HTR2A: variants seen among roughly 807,000 people sequenced by gnomAD.
HTR2A encodes the protein 5-HT2 receptor.
In HTR2A, 14 loss-of-function variants were observed where a neutral mutation model predicts 31.0. That is an observed-to-expected ratio of 0.45 (90% CI 0.30 to 0.71). The LOEUF is 0.71. Among genes scored for constraint, HTR2A ranks in the 30% least tolerant of loss-of-function variants. HTR2A has a pLI of 0.09. For synonymous variants in HTR2A, 209 were observed against 225.2 expected, an observed-to-expected ratio of 0.93 and a Z score of 0.64; for missense variants, 442 against 573.3, an observed-to-expected ratio of 0.77 and a Z score of 2.34.
intron 3 of HTR2A, among the ~76,000 whole-genome samples, chr13:46,875,405 A>G (rs1341183679): frequency 2.0e-5 from 3 of 152,346 alleles, no homozygotes; most frequent in South Asian, 4.1e-4. Context: ...GACACAGGCT[A>G]ATATAAATTG....
At chr13:46,856,852 T>C (rs1950742005) in intron 3 of HTR2A, among the ~76,000 whole-genome samples, 1 of 152,198 alleles carries the variant, frequency 6.6e-6, no homozygotes, top group Admixed American at 6.5e-5. Context: ...AGGGGCACGA[T>C]AACAGTCCCT....
chr13:46,872,583 ACT>A (rs1321571829), intron 3 of HTR2A, among the ~76,000 whole-genome samples: 2 of 152,148 alleles, frequency 1.3e-5, no homozygotes, highest in South Asian at 2.1e-4. Flanking sequence ...TTATTTGACC[ACT>A]CTGTATACTA....
chr13:46,884,714 T>C (rs888268668), intron 3 of HTR2A, among the ~76,000 whole-genome samples: 8 of 152,102 alleles, frequency 5.3e-5, no homozygotes, highest in African/African-American at 1.9e-4. Context: ...ACAGAAATGC[T>C]TAAGGAAAAA....
intron 3 of HTR2A, among the ~76,000 whole-genome samples, chr13:46,840,008 G>A (rs1950586537): frequency 6.6e-6 from 1 of 152,124 alleles, no homozygotes; most frequent in South Asian, 2.1e-4. Flanking sequence ...CAGGACAGTG[G>A]CAGTCCCTAG....
At chr13:46,859,001 CTGCAG>C (rs1950760449) in intron 3 of HTR2A, among the ~76,000 whole-genome samples, 1 of 152,216 alleles carries the variant, frequency 6.6e-6, no homozygotes. Flanking sequence ...TTACTTTCAT[CTGCAG>C]TGAAGAATTT....
At chr13:46,857,169 G>A (rs147216012) in intron 3 of HTR2A, among the ~76,000 whole-genome samples, 8 of 152,004 alleles carry the variant, frequency 5.3e-5, no homozygotes, top group African/African-American at 1.9e-4. Context: ...GGGTGATTGT[G>A]CTCCCCTGCA....
At chr13:46,880,093 G>A (rs1950948516) in intron 3 of HTR2A, among the ~76,000 whole-genome samples, 1 of 152,198 alleles carries the variant, frequency 6.6e-6, no homozygotes, top group African/African-American at 2.4e-5. Context: ...CAGATAGGTG[G>A]TGTGCCCAAT....
chr13:46,858,820 T>C (rs576074212), intron 3 of HTR2A, among the ~76,000 whole-genome samples: 1 of 152,206 alleles, frequency 6.6e-6, no homozygotes, highest in South Asian at 2.1e-4. Flanking sequence ...TGGCTGATGG[T>C]GGACCATTTG....
chr13:46,887,449 C>G, intron 3 of HTR2A, among the ~76,000 whole-genome samples: 1 of 145,196 alleles, frequency 6.9e-6, no homozygotes, highest in East Asian at 2.0e-4. Flanking sequence ...AATTATCAGG[C>G]ATACACAGTA....
chr13:46,878,005 G>A (rs1197833090), intron 3 of HTR2A, among the ~76,000 whole-genome samples: 1 of 152,134 alleles, frequency 6.6e-6, no homozygotes, highest in Non-Finnish European at 1.5e-5. Context: ...ATAGAGGTAT[G>A]GACCAGGTCC....
intron 3 of HTR2A, among the ~76,000 whole-genome samples, chr13:46,841,666 C>A (rs1422668652): frequency 6.6e-6 from 1 of 152,046 alleles, no homozygotes; most frequent in Non-Finnish European, 1.5e-5. Context: ...ATCATAGATT[C>A]CTTATAAAGT....
At chr13:46,893,344 G>C (rs754116139) in intron 2 of HTR2A, among the ~76,000 whole-genome samples, 24 of 152,242 alleles carry the variant, frequency 1.6e-4, no homozygotes, top group Non-Finnish European at 3.5e-4. Flanking sequence ...CAGAGGTTCT[G>C]ATGCAGTTAG....
chr13:46,884,079 A>G (rs1222984615), intron 3 of HTR2A, among the ~76,000 whole-genome samples: 2 of 152,250 alleles, frequency 1.3e-5, no homozygotes, highest in Non-Finnish European at 2.9e-5. Flanking sequence ...CGCCTCATCC[A>G]AGAAGCTGTC....
chr13:46,854,566 A>G (rs910703608), intron 3 of HTR2A, among the ~76,000 whole-genome samples: 2 of 152,208 alleles, frequency 1.3e-5, no homozygotes, highest in Non-Finnish European at 2.9e-5. Context: ...AGGACTTCAA[A>G]TAGTGACTTT....
chr13:46,876,772 A>G (rs1380021248), intron 3 of HTR2A, among the ~76,000 whole-genome samples: 2 of 152,060 alleles, frequency 1.3e-5, no homozygotes, highest in Non-Finnish European at 2.9e-5. Context: ...CTCTTTTGCT[A>G]GATGCTTTAT....
chr13:46,861,238 G>A (rs1950776208), intron 3 of HTR2A, among the ~76,000 whole-genome samples: 1 of 152,192 alleles, frequency 6.6e-6, no homozygotes, highest in African/African-American at 2.4e-5. Flanking sequence ...ATTCTATTGT[G>A]TTAGCATTCC....
chr13:46,881,240 C>T lies in HTR2A; in HGVS notation c.613+11150G>A, dbSNP rs145130690. On this transcript the variant is annotated intron_variant, in intron 3 of 3. Transcript: ENST00000542664. The stretch of plus-strand genomic sequence containing the variant: ...GGGGAAGGGTCACTGCACTCAGGGA[C>T]AAGAGAAGGGGTGGGCCAAGTGGTG... 2.6e-5 allele frequency among the ~76,000 whole-genome samples: 4 copies of T among 152,264 alleles called. No individual in the cohort carries two copies. The East Asian group carries it at 7.7e-4, about 29-fold the overall frequency.
intron 3 of HTR2A, among the ~76,000 whole-genome samples, chr13:46,888,674 GAA>G (rs1951028325): frequency 1.3e-5 from 2 of 152,146 alleles, no homozygotes. Flanking sequence ...TAATATGTGA[GAA>G]ATAGTGAATA....
intron 3 of HTR2A, among the ~76,000 whole-genome samples, chr13:46,886,283 G>A (rs1033789856): frequency 6.6e-6 from 1 of 152,136 alleles, no homozygotes; most frequent in African/African-American, 2.4e-5. Context: ...CAATGGAAGA[G>A]TCCCATAACA....
Sources: allele counts gnomAD v4.1 joint callset (sites outside exome capture counted in the v4.1 genomes callset), GRCh38; gene constraint gnomAD v4.1.1; transcripts MANE v1.5; gene names NCBI Gene and HGNC (gene_info 2026-07-23, HGNC 2026-07-21).